The following DPP6 variants were observed in gnomAD, a reference collection of about 807,000 sequenced individuals.
The protein encoded by DPP6 is A-type potassium channel modulatory protein DPP6.
DPP6 carries 69 observed loss-of-function variants against 122.6 expected under a neutral mutation model. The ratio of observed to expected loss-of-function variants is 0.56; its 90% confidence interval spans 0.46 to 0.69. The LOEUF (loss-of-function observed/expected upper bound fraction) is 0.69. Among genes scored for constraint, DPP6 ranks in the 30% least tolerant of loss-of-function variants. The pLI, the probability that DPP6 is intolerant of heterozygous loss-of-function variation, is 0.00. For synonymous variants in DPP6, 418 were observed against 433.1 expected (o/e 0.97, Z 0.43); for missense variants, 928 against 1,116.9 (o/e 0.83, Z 2.41).
At chr7:154,067,760 G>T (rs1385091860) in intron 1 of DPP6, among the ~76,000 whole-genome samples, 1 of 152,018 alleles carries the variant, frequency 6.6e-6, no homozygotes. Context: ...TGTTTTATTG[G>T]TTGCAGTGAG....
chr7:153,814,916 T>G, the DPP6 span, among the ~76,000 whole-genome samples: 1 of 152,130 alleles, frequency 6.6e-6, no homozygotes, highest in Non-Finnish European at 1.5e-5. Flanking sequence ...CAATGCTTCA[T>G]GCTAAAAACT....
In DPP6 at chr7:154,338,896, C is replaced by G. The variant is rs373983171; in HGVS notation, c.244-107318C>G. Among the ~76,000 whole-genome samples the G allele has an allele frequency of 1.2e-3, 188 of 152,302 alleles. 2 individuals are homozygous for G. Among genetic ancestry groups the G allele is most frequent in the African/African-American group, 4.3e-3 (179 of 41,572 alleles). ...ATGGCGGCGGGTGGCATTGCCCTGC[C>G]CCATTCATCTGCGCGTTCATCCGTT... On this transcript the variant is annotated intron_variant, in intron 1 of 25. Coordinates refer to ENST00000377770, the MANE Select transcript of DPP6 (RefSeq NM_130797.4).
At chr7:154,479,096 C>T (rs1022115823) in intron 3 of DPP6, among the ~76,000 whole-genome samples, 77 of 152,240 alleles carry the variant, frequency 5.1e-4, no homozygotes, top group African/African-American at 1.8e-3. Flanking sequence ...ATTGAATTTC[C>T]CTTCCCTCAT....
At chr7:154,633,214 TTTTTTA>T (rs889021405) in intron 5 of DPP6, among the ~76,000 whole-genome samples, 2 of 152,100 alleles carry the variant, frequency 1.3e-5, no homozygotes, top group African/African-American at 2.4e-5. Flanking sequence ...GTCTATTTTA[TTTTTTA>T]TTTTTATTTT....
chr7:154,544,006 A>AT (rs1828950649), intron 4 of DPP6, among the ~76,000 whole-genome samples: 2 of 149,604 alleles, frequency 1.3e-5, no homozygotes, highest in Admixed American at 6.7e-5. Flanking sequence ...AAAAAAAAAA[A>AT]AAAAAAAGAG....
intron 1 of DPP6, among the ~76,000 whole-genome samples, chr7:154,056,724 C>T (rs555095296): frequency 5.3e-5 from 8 of 152,190 alleles, no homozygotes; most frequent in Admixed American, 6.5e-5. Flanking sequence ...GCTATGTCTT[C>T]GGCAACCAAC....
intron 1 of DPP6, among the ~76,000 whole-genome samples, chr7:154,112,704 A>G (rs1385788438): frequency 6.6e-6 from 1 of 152,178 alleles, no homozygotes; most frequent in African/African-American, 2.4e-5. Context: ...GGAAAAAAAC[A>G]TAACTAAACA....
At chr7:153,937,727 A>T (rs1449381724) in intron 1 of DPP6, among the ~76,000 whole-genome samples, 1 of 152,168 alleles carries the variant, frequency 6.6e-6, no homozygotes, top group African/African-American at 2.4e-5. Context: ...AATTACAGGC[A>T]TGAGCCACTG....
At chr7:154,026,151 C>T (rs1798946075) in intron 1 of DPP6, 1 of 151,832 alleles carries the variant, frequency 6.6e-6, no homozygotes. Flanking sequence ...GTGCCACATG[C>T]CTGCATGACT....
chr7:154,878,236 A>G (rs1227319556), intron 20 of DPP6, among the ~76,000 whole-genome samples: 1 of 152,208 alleles, frequency 6.6e-6, no homozygotes, highest in African/African-American at 2.4e-5. Flanking sequence ...CATCTTCCCC[A>G]AAGAGCACAG....
At chr7:153,927,004 ATT>A (rs1205041413) in intron 1 of DPP6, among the ~76,000 whole-genome samples, 36 of 145,870 alleles carry the variant, frequency 2.5e-4, no homozygotes, top group African/African-American at 5.0e-4. Flanking sequence ...TTTAAGTTAA[ATT>A]TTTTTTTTTT....
chr7:153,803,840 C>CACACACACACACACATACACACATATAT, the DPP6 span, among the ~76,000 whole-genome samples: 2 of 150,600 alleles, frequency 1.3e-5, no homozygotes, highest in Non-Finnish European at 3.0e-5. Flanking sequence ...TGTATGTGTA[C>CACACACACACACACATACACACATATAT]ATACACACAC....
At chr7:154,204,858 G>A (rs528231300) in intron 1 of DPP6, among the ~76,000 whole-genome samples, 1 of 152,124 alleles carries the variant, frequency 6.6e-6, no homozygotes, top group South Asian at 2.1e-4. Flanking sequence ...GGATATATGT[G>A]TACTCCGGAA....
intron 6 of DPP6, among the ~76,000 whole-genome samples, chr7:154,640,938 T>C (rs1004564270): frequency 3.9e-5 from 6 of 152,192 alleles, no homozygotes; most frequent in Non-Finnish European, 8.8e-5. Context: ...TCAGGATGGT[T>C]TTGTCATTTA....
rs561415169 is a variant in DPP6 at position 153,979,473 on chromosome 7, A to G, written c.51+91739A>G. ...TGAGGCAATGGGATTTTCTAAATAT[A>G]CAGTCATGTCATCTGCAAACAGATA... On this transcript the variant is annotated intron_variant, in intron 1 of 25. Transcript: ENST00000404039. 3.9e-5 allele frequency among the ~76,000 whole-genome samples: 6 copies of G among 152,382 alleles called. No individual in the cohort carries two copies. The East Asian group carries it at 1.2e-3, about 29-fold the overall frequency.
intron 1 of DPP6, among the ~76,000 whole-genome samples, chr7:154,373,061 C>T (rs1812812098): frequency 6.6e-6 from 1 of 152,202 alleles, no homozygotes; most frequent in Non-Finnish European, 1.5e-5. Flanking sequence ...TTGCCCTGCA[C>T]CATCCGCTTC....
chr7:154,592,518 G>A (rs779194466), intron 5 of DPP6, among the ~76,000 whole-genome samples: 1 of 152,184 alleles, frequency 6.6e-6, no homozygotes, highest in Non-Finnish European at 1.5e-5. Flanking sequence ...TGGAAAGACC[G>A]TGCATAAATA....
At chr7:154,029,496 G>A (rs71530492) in intron 1 of DPP6, among the ~76,000 whole-genome samples, 56 of 151,718 alleles carry the variant, frequency 3.7e-4, no homozygotes, top group Non-Finnish European at 6.2e-4. Context: ...CAGCCTGGGT[G>A]ACTGAGCGAG....
chr7:154,461,681 T>A (rs1252652904), intron 2 of DPP6, among the ~76,000 whole-genome samples: 1 of 152,228 alleles, frequency 6.6e-6, no homozygotes, highest in Non-Finnish European at 1.5e-5. Flanking sequence ...GAGAAATGTC[T>A]ACTCAGATCT....
Sources: allele counts gnomAD v4.1 joint callset (sites outside exome capture counted in the v4.1 genomes callset), GRCh38; gene constraint gnomAD v4.1.1; transcripts MANE v1.5; gene names NCBI Gene and HGNC (gene_info 2026-07-23, HGNC 2026-07-21).